Variants in CCDC91 observed in about 807,000 individuals in gnomAD.
CCDC91 encodes coiled-coil domain-containing protein 91.
A neutral mutation model predicts 63.2 loss-of-function variants in CCDC91; 48 were observed. That is an observed-to-expected ratio of 0.76 (90% CI 0.60 to 0.97). The LOEUF (loss-of-function observed/expected upper bound fraction) is 0.97. Ranked by LOEUF, CCDC91 falls within the 50% of genes least tolerant of loss-of-function variation. The probability of loss-of-function intolerance (pLI) is 0.00; values close to 1 mark genes in which losing one functional copy is unlikely to be tolerated. For missense variants in CCDC91, 500 were observed against 494.6 expected (o/e 1.01, Z -0.10); for synonymous variants, 167 against 165.8 (o/e 1.01, Z -0.06).
intron 11 of CCDC91, among the ~76,000 whole-genome samples, chr12:28,474,303 C>G (rs1353146520): frequency 6.6e-6 from 1 of 152,042 alleles, no homozygotes; most frequent in Non-Finnish European, 1.5e-5. Context: ...ATTCATGGCA[C>G]TCAAATGCCG....
Position 28,222,693 on chromosome 12 carries a change from G to A in CCDC91, c.-15+32052G>A, listed in dbSNP as rs554148575. 1.6e-4 allele frequency among the ~76,000 whole-genome samples: 25 copies of A among 152,110 alleles called. No homozygotes were observed. In the South Asian group the frequency reaches 2.1e-3, roughly 13 times the overall value. ...GTATAGTTATAGAATTTCCCTTTTC[G>A]TTTTCTGAAATGGATCTAATTTGGT... is the stretch of plus-strand genomic sequence containing the variant. On this transcript the variant is annotated intron_variant, in intron 1 of 12. Coordinates refer to ENST00000536442, the MANE Select transcript of CCDC91 (RefSeq NM_018318.5).
intron 3 of CCDC91, among the ~76,000 whole-genome samples, chr12:28,289,983 C>T (rs1371702810): frequency 6.6e-6 from 1 of 152,102 alleles, no homozygotes; most frequent in Non-Finnish European, 1.5e-5. Flanking sequence ...TGAGCCACCA[C>T]ACCTGGCCTG....
intron 12 of CCDC91, among the ~76,000 whole-genome samples, chr12:28,493,150 A>G (rs1484640718): frequency 6.6e-6 from 1 of 151,634 alleles, no homozygotes; most frequent in African/African-American, 2.4e-5. Flanking sequence ...CAACCCTAAA[A>G]TAATACCTCA....
intron 1 of CCDC91, among the ~76,000 whole-genome samples, chr12:28,225,271 A>G (rs1348330434): frequency 6.6e-6 from 1 of 152,198 alleles, no homozygotes; most frequent in Non-Finnish European, 1.5e-5. Flanking sequence ...TACTGATAGT[A>G]TCTGAGGTTG....
chr12:28,423,337 T>A (rs1207590469), intron 8 of CCDC91, among the ~76,000 whole-genome samples: 2 of 152,162 alleles, frequency 1.3e-5, no homozygotes, highest in African/African-American at 2.4e-5. Flanking sequence ...GGAAGGACTT[T>A]AATATCTAAA....
chr12:28,357,638 G>A lies in CCDC91; in HGVS notation c.577-4800G>A, dbSNP rs1334389128. ...AAATAAGCATTAGGGTGGCTATCAGGAGATCTGATTTAGGGTTTGCTGTGC... is the reference window on the plus strand; with the variant it reads ...AAATAAGCATTAGGGTGGCTATCAGAAGATCTGATTTAGGGTTTGCTGTGC... On this transcript the variant is annotated intron_variant, in intron 6 of 12. Transcript: ENST00000536442. Among the ~76,000 whole-genome samples the A allele has an allele frequency of 2.0e-5, 3 of 151,002 alleles. No individual in the cohort carries two copies. In the East Asian group the frequency reaches 5.8e-4, roughly 29 times the overall value.
At chr12:28,462,650 A>G (rs536715053) in intron 11 of CCDC91, among the ~76,000 whole-genome samples, 56 of 152,276 alleles carry the variant, frequency 3.7e-4, no homozygotes, top group African/African-American at 1.3e-3. Context: ...GTGCATCTGC[A>G]GTTTGTACCA....
chr12:28,526,865 G>A (rs1941307981), intron 12 of CCDC91, among the ~76,000 whole-genome samples: 1 of 151,818 alleles, frequency 6.6e-6, no homozygotes, highest in Non-Finnish European at 1.5e-5. Flanking sequence ...TTCAAGCTCT[G>A]AAGTTCTTTC....
chr12:28,312,302 A>G (rs1372113118), intron 6 of CCDC91, among the ~76,000 whole-genome samples: 2 of 152,126 alleles, frequency 1.3e-5, no homozygotes, highest in South Asian at 2.1e-4. Flanking sequence ...GGGAGATAAT[A>G]CATAAATCTC....
At chr12:28,265,820 A>G (rs1168701267) in intron 3 of CCDC91, among the ~76,000 whole-genome samples, 1 of 152,064 alleles carries the variant, frequency 6.6e-6, no homozygotes, top group African/African-American at 2.4e-5. Flanking sequence ...AAGGTGACTT[A>G]TTACATAGTC....
At chr12:28,298,288 G>A (rs772284537) in intron 3 of CCDC91, among the ~76,000 whole-genome samples, 2 of 150,848 alleles carry the variant, frequency 1.3e-5, no homozygotes, top group African/African-American at 4.9e-5. Context: ...TGTCTTATTG[G>A]TCTGATTAGC....
chr12:28,334,602 C>G (rs1387937572), intron 6 of CCDC91, among the ~76,000 whole-genome samples: 1 of 152,156 alleles, frequency 6.6e-6, no homozygotes, highest in African/African-American at 2.4e-5. Context: ...GAACATTCTC[C>G]TTGCACATAA....
intron 1 of CCDC91, among the ~76,000 whole-genome samples, chr12:28,240,274 G>A (rs1180909424): frequency 5.3e-5 from 8 of 152,078 alleles, no homozygotes; most frequent in Non-Finnish European, 8.8e-5. Flanking sequence ...ATTAATCACA[G>A]TTTTTAAAAA....
At chr12:28,450,478 A>T (rs1949749337) in intron 10 of CCDC91, 60 bp downstream of exon 10, 2 of 1,097,230 alleles carry the variant, frequency 1.8e-6, no homozygotes, top group Non-Finnish European at 2.8e-6. Context: ...AATGGAATAT[A>T]TTAATAGTAT....
chr12:28,346,910 C>G (rs1942851244), intron 6 of CCDC91, among the ~76,000 whole-genome samples: 1 of 152,170 alleles, frequency 6.6e-6, no homozygotes, highest in Non-Finnish European at 1.5e-5. Flanking sequence ...CTGCCTTGGT[C>G]TTTCTGGTGA....
intron 7 of CCDC91, among the ~76,000 whole-genome samples, chr12:28,376,732 C>G (rs1219282527): frequency 6.6e-6 from 1 of 151,756 alleles, no homozygotes; most frequent in African/African-American, 2.4e-5. Flanking sequence ...TCAGAACTTT[C>G]TCCGTATACA....
chr12:28,336,104 C>T (rs937032152), intron 6 of CCDC91, among the ~76,000 whole-genome samples: 14 of 151,508 alleles, frequency 9.2e-5, no homozygotes, highest in African/African-American at 3.4e-4. Context: ...ACACAAATGG[C>T]TCATTCAATC....
intron 1 of CCDC91, among the ~76,000 whole-genome samples, chr12:28,213,187 G>A (rs1460278294): frequency 2.0e-5 from 3 of 152,092 alleles, no homozygotes; most frequent in African/African-American, 7.2e-5. Flanking sequence ...AATTAATTCT[G>A]CATTGCCCAA....
intron 11 of CCDC91, among the ~76,000 whole-genome samples, chr12:28,453,665 A>T (rs1232227820): frequency 6.6e-6 from 1 of 151,878 alleles, no homozygotes. Flanking sequence ...GCGTTTTTTC[A>T]CTAAAGCAAT....
Sources: gnomAD v4.1 joint callset for allele counts (sites outside exome capture counted in the v4.1 genomes callset) on GRCh38, gnomAD v4.1.1 for gene constraint, MANE v1.5 for transcripts, NCBI Gene and HGNC (gene_info 2026-07-23, HGNC 2026-07-21) for gene names.